SKAP1: variants seen among roughly 807,000 people sequenced by gnomAD.
SKAP1 encodes src kinase associated phosphoprotein 1.
Under a neutral mutation model 58.5 loss-of-function variants are expected in SKAP1, and 44 were observed. The observed-to-expected ratio is 0.75, with a 90% CI of 0.59 to 0.97. The LOEUF (loss-of-function observed/expected upper bound fraction) is 0.97, where lower values mean the gene tolerates loss of function less well. SKAP1 is among the 50% of genes least tolerant of loss of function. The pLI, the probability that SKAP1 is intolerant of heterozygous loss-of-function variation, is 0.00. For synonymous variants in SKAP1, 127 were observed against 149.7 expected (o/e 0.85, Z 1.11); for missense variants, 390 against 435.2 (o/e 0.90, Z 0.92).
At chr17:48,209,801 TTTG>T (rs1194494594) in intron 4 of SKAP1, among the ~76,000 whole-genome samples, 2 of 152,154 alleles carry the variant, frequency 1.3e-5, no homozygotes, top group South Asian at 2.1e-4. Context: ...GCCCGGTTGT[TTTG>T]TTGTTGTTGT....
At chr17:48,190,705 G>C (rs1173741182) in intron 4 of SKAP1, among the ~76,000 whole-genome samples, 1 of 152,114 alleles carries the variant, frequency 6.6e-6, no homozygotes. Flanking sequence ...TGAGAAAGAG[G>C]CTGGGCCCAG....
At chr17:48,363,363 G>A (rs900225267) in intron 3 of SKAP1, among the ~76,000 whole-genome samples, 2 of 152,186 alleles carry the variant, frequency 1.3e-5, no homozygotes, top group African/African-American at 4.8e-5. Flanking sequence ...AGACAGGCAG[G>A]CTGTGTGGAA....
At chr17:48,155,316 TG>T (rs773323705) in intron 11 of SKAP1, among the ~76,000 whole-genome samples, 3 of 150,658 alleles carry the variant, frequency 2.0e-5, no homozygotes, top group Non-Finnish European at 3.0e-5. Context: ...TTAGTAGAGA[TG>T]GGGTTTTGCC....
chr17:48,245,950 G>C (rs1251849104), intron 4 of SKAP1, among the ~76,000 whole-genome samples: 2 of 152,126 alleles, frequency 1.3e-5, no homozygotes, highest in Non-Finnish European at 2.9e-5. Flanking sequence ...ACTCCAGCCT[G>C]GGTGACAGAG....
At chr17:48,147,110 A>C (rs1317238858) in intron 11 of SKAP1, among the ~76,000 whole-genome samples, 2 of 152,220 alleles carry the variant, frequency 1.3e-5, no homozygotes, top group Non-Finnish European at 2.9e-5. Flanking sequence ...CCCAGAAAAT[A>C]TCTCATACTT....
At chr17:48,293,178 G>C (rs2065920345) in intron 4 of SKAP1, among the ~76,000 whole-genome samples, 1 of 152,086 alleles carries the variant, frequency 6.6e-6, no homozygotes, top group Admixed American at 6.6e-5. Context: ...TCCAAGAGCT[G>C]CATAAATTAA....
intron 4 of SKAP1, among the ~76,000 whole-genome samples, chr17:48,313,150 G>C (rs963317945): frequency 6.6e-6 from 1 of 151,524 alleles, no homozygotes; most frequent in African/African-American, 2.4e-5. Flanking sequence ...GGGGCGGTGG[G>C]GGGGTGGGAG....
chr17:48,326,889 CTTTTTT>C (rs35868072), intron 4 of SKAP1, among the ~76,000 whole-genome samples: 1 of 121,608 alleles, frequency 8.2e-6, no homozygotes, highest in Admixed American at 8.5e-5. Context: ...TTCTTTCTTT[CTTTTTT>C]TTTTTTTTTT....
intron 4 of SKAP1, among the ~76,000 whole-genome samples, chr17:48,242,053 T>A (rs1459619022): frequency 6.6e-6 from 1 of 152,104 alleles, no homozygotes; most frequent in African/African-American, 2.4e-5. Context: ...GAGAACTGAG[T>A]CCAACAACAC....
At chr17:48,253,950 C>T (rs2065395519) in intron 4 of SKAP1, among the ~76,000 whole-genome samples, 1 of 152,054 alleles carries the variant, frequency 6.6e-6, no homozygotes. Flanking sequence ...GAGATTCTGC[C>T]AGTTCCTTCA....
chr17:48,195,082 A>G (rs1032833999), intron 4 of SKAP1, among the ~76,000 whole-genome samples: 2 of 152,186 alleles, frequency 1.3e-5, no homozygotes, highest in African/African-American at 4.8e-5. Context: ...TATTGCAGAT[A>G]GGTTGGGGAG....
chr17:48,227,514 C>G (rs2065082987), intron 4 of SKAP1, among the ~76,000 whole-genome samples: 1 of 152,086 alleles, frequency 6.6e-6, no homozygotes, highest in African/African-American at 2.4e-5. Flanking sequence ...ATCATCATAG[C>G]CACTAATTAA....
At chr17:48,170,467 A>G in intron 10 of SKAP1, 142 bp downstream of exon 10, 1 of 713,912 alleles carries the variant, frequency 1.4e-6, no homozygotes, top group Non-Finnish European at 2.5e-6. Context: ...CAGTCACTTT[A>G]TTTAGGGCTT....
intron 4 of SKAP1, among the ~76,000 whole-genome samples, chr17:48,336,404 T>C (rs745790789): frequency 1.3e-5 from 2 of 152,112 alleles, no homozygotes; most frequent in Non-Finnish European, 2.9e-5. Context: ...ACCTAAGCAC[T>C]GGAAGTATGA....
intron 4 of SKAP1, among the ~76,000 whole-genome samples, chr17:48,209,621 A>C (rs987691410): frequency 2.9e-4 from 44 of 152,206 alleles, no homozygotes; most frequent in Non-Finnish European, 5.3e-4. Flanking sequence ...GTGCTCTCTT[A>C]ACATGAGCTC....
chr17:48,142,317 C>G (rs924006489), intron 11 of SKAP1, among the ~76,000 whole-genome samples: 1 of 152,066 alleles, frequency 6.6e-6, no homozygotes, highest in African/African-American at 2.4e-5. Flanking sequence ...CAAAAATTAG[C>G]TGGGCGTGGT....
intron 3 of SKAP1, among the ~76,000 whole-genome samples, chr17:48,362,526 CTACATTAT>C: frequency 6.6e-6 from 1 of 152,342 alleles, no homozygotes; most frequent in East Asian, 1.9e-4. Context: ...AAGCAAATTG[CTACATTAT>C]TACATAAAAT....
chr17:48,427,251 C>G (rs1228488173), intron 1 of SKAP1, among the ~76,000 whole-genome samples: 1 of 152,114 alleles, frequency 6.6e-6, no homozygotes, highest in Non-Finnish European at 1.5e-5. Context: ...ATTACATGTA[C>G]TATCATGCAT....
chr17:48,244,448 C>T (rs1171144181), intron 4 of SKAP1, among the ~76,000 whole-genome samples: 4 of 152,156 alleles, frequency 2.6e-5, no homozygotes, highest in Non-Finnish European at 4.4e-5. Context: ...GGGTCATAAA[C>T]ATTTCCTTCT....
Sources: allele counts gnomAD v4.1 joint callset (sites outside exome capture counted in the v4.1 genomes callset), GRCh38; gene constraint gnomAD v4.1.1; transcripts MANE v1.5; gene names NCBI Gene and HGNC (gene_info 2026-07-23, HGNC 2026-07-21).